CD46: variants seen among roughly 807,000 people sequenced by gnomAD.
CD46 encodes the protein membrane cofactor protein.
CD46 carries 30 observed loss-of-function variants against 53.3 expected under a neutral mutation model. The observed-to-expected ratio is 0.56, with a 90% CI of 0.42 to 0.76. CD46 has a LOEUF of 0.76. Ranked by LOEUF, CD46 falls within the 30% of genes least tolerant of loss-of-function variation. The probability of loss-of-function intolerance (pLI) is 0.00; values close to 1 mark genes in which losing one functional copy is unlikely to be tolerated. For missense variants in CD46, 409 were observed against 463.0 expected (o/e 0.88, Z 1.07); for synonymous variants, 142 against 152.0 (o/e 0.93, Z 0.48).
At chr1:207,788,128 G>GT (rs1167079817) in intron 11 of CD46, among the ~76,000 whole-genome samples, 11 of 152,056 alleles carry the variant, frequency 7.2e-5, no homozygotes, top group African/African-American at 2.7e-4. Context: ...GATAATTGAA[G>GT]TTTTTAAGAT....
chr1:207,790,177 C>A, intron 11 of CD46, 76 bp from the exon 12 acceptor site: 1 of 799,240 alleles, frequency 1.3e-6, no homozygotes, highest in South Asian at 1.3e-5. Context: ...GGATTTTATC[C>A]CACTTGTTAT....
chr1:207,761,226 T>A, intron 4 of CD46, 23 bp from the exon 5 acceptor site: 2 of 1,471,814 alleles, frequency 1.4e-6, no homozygotes, highest in Non-Finnish European at 1.9e-6. Flanking sequence ...ACATTTCCTT[T>A]CCTCTTTTTC....
At chr1:207,753,836 C>T (rs1655198562) in intron 1 of CD46, among the ~76,000 whole-genome samples, 1 of 152,192 alleles carries the variant, frequency 6.6e-6, no homozygotes, top group Non-Finnish European at 1.5e-5. Context: ...GATCCAATAA[C>T]ATGTATAGTT....
intron 11 of CD46, among the ~76,000 whole-genome samples, chr1:207,788,756 A>G (rs1659520722): frequency 6.6e-6 from 1 of 152,212 alleles, no homozygotes; most frequent in African/African-American, 2.4e-5. Context: ...GTAAACTGGT[A>G]TTTATGGTGA....
intron 5 of CD46, among the ~76,000 whole-genome samples, chr1:207,762,312 A>G (rs958818610): frequency 1.3e-5 from 2 of 152,236 alleles, no homozygotes; most frequent in African/African-American, 4.8e-5. Context: ...TGTGTTAGAA[A>G]AAAAGAAAAG....
At chr1:207,753,643 C>A (rs1202557763) in intron 1 of CD46, among the ~76,000 whole-genome samples, 1 of 152,070 alleles carries the variant, frequency 6.6e-6, no homozygotes, top group African/African-American at 2.4e-5. Flanking sequence ...TGCACTCCAG[C>A]CTAGATGACA....
At chr1:207,788,434 G>A (rs1316628577) in intron 11 of CD46, among the ~76,000 whole-genome samples, 1 of 151,978 alleles carries the variant, frequency 6.6e-6, no homozygotes, top group East Asian at 1.9e-4. Flanking sequence ...CAGGAGAATG[G>A]CGTGAACCCC....
intron 8 of CD46, among the ~76,000 whole-genome samples, chr1:207,779,186 C>G (rs150680976): frequency 8.8e-4 from 134 of 152,104 alleles, no homozygotes; most frequent in African/African-American, 3.2e-3. Flanking sequence ...GCTTTTAGGC[C>G]AAGACTGTGG....
intron 5 of CD46, among the ~76,000 whole-genome samples, chr1:207,764,092 G>A (rs1048412920): frequency 3.9e-5 from 6 of 151,968 alleles, no homozygotes; most frequent in African/African-American, 1.5e-4. Context: ...GAAATCACAG[G>A]CACCAGTTGA....
In CD46 at chr1:207,783,296, TC is replaced by T; in HGVS notation, c.950del (p.Pro317LeufsTer18). 1 of 1,495,636 alleles carries T rather than the reference TC, an allele frequency of 6.7e-7. No homozygotes were observed. The highest frequency in any genetic ancestry group is 9.3e-7 in the Non-Finnish European group (1 of 1,073,424). 92.6% of individuals were successfully genotyped at this position (1,495,636 alleles called of 1,614,324 possible). ...KPPVSNYPGY[P>X]KPEEGILDSL... ...ATATTTCTTCTTTTTTCCTAGGATA[TC>T]CTAAACCTGAGGAAGGAATACTTGA... On this transcript the variant is annotated frameshift_variant, in exon 9 of 13. Coordinates refer to ENST00000367042, the MANE Select transcript of CD46 (RefSeq NM_172351.3). LOFTEE classifies it high-confidence loss of function.
Position 207,752,345 on chromosome 1 carries a change from A to C in CD46, c.97+36A>C, listed in dbSNP as rs759490823. 6.3e-7 allele frequency: 1 copy of C among 1,581,258 alleles called. No individual in the cohort carries two copies. Among genetic ancestry groups the C allele is most frequent in the South Asian group, 1.1e-5 (1 of 90,424 alleles). On this transcript the variant is annotated intron_variant, in intron 1 of 12. Transcript: ENST00000367042. The surrounding 1 kb of genome is among the most constrained non-coding windows in gnomAD (Gnocchi z 4.1). The stretch of plus-strand genomic sequence containing the variant: ...GGGGCGGGTTCGCGCGTCCGCGGCG[A>C]GACTAGAGCTCTCCTCAGTCGGGCA...
intron 9 of CD46, 149 bp from the exon 10 acceptor site, chr1:207,784,922 A>G: frequency 1.4e-6 from 1 of 706,106 alleles, no homozygotes. Flanking sequence ...TCCCTCCCAC[A>G]ACACGTGGGG....
chr1:207,752,292 T>C lies in CD46; in HGVS notation c.80T>C (p.Leu27Pro), dbSNP rs757429411. 1 of 1,614,132 alleles carries C rather than the reference T, an allele frequency of 6.2e-7. No homozygotes were observed. The highest frequency in any genetic ancestry group is 2.2e-5 in the East Asian group (1 of 44,870). Residue 27 changes from leucine (L) to proline (P), a missense_variant, in exon 1 of 13, where the codon CTG (leucine) becomes CCG (proline). By Grantham distance (98) the Leu-to-Pro change is moderately conservative. Coordinates refer to ENST00000367042, the MANE Select transcript of CD46 (RefSeq NM_172351.3). The surrounding 1 kb of genome is among the most constrained non-coding windows in gnomAD (Gnocchi z 4.1). ...PGLLLAAMVLLLYSFSDACEE... is the reference protein window; with the variant it reads ...PGLLLAAMVLPLYSFSDACEE... ...TTGCTTCTGGCGGCCATGGTGTTGCTGCTGTACTCCTTCTCCGGTAGGACC... is the reference window on the plus strand; with the variant it reads ...TTGCTTCTGGCGGCCATGGTGTTGCCGCTGTACTCCTTCTCCGGTAGGACC...
intron 9 of CD46, chr1:207,783,575 A>G (rs1658991660): frequency 3.0e-6 from 1 of 331,546 alleles, no homozygotes; most frequent in African/African-American, 2.1e-5. Flanking sequence ...ATGAACCTTA[A>G]AGCAATCTAA....
chr1:207,760,984 G>C, intron 4 of CD46: 1 of 430,186 alleles, frequency 2.3e-6, no homozygotes, highest in East Asian at 4.8e-5. Flanking sequence ...TTTGACATGC[G>C]ATTTGGTGGG....
intron 1 of CD46, among the ~76,000 whole-genome samples, chr1:207,755,170 A>G (rs185982044): frequency 6.6e-6 from 1 of 152,158 alleles, no homozygotes; most frequent in East Asian, 1.9e-4. Flanking sequence ...AAAAGAAACA[A>G]AATAGGAAGC....
At chr1:207,777,585 G>A (rs41317835) in intron 8 of CD46, among the ~76,000 whole-genome samples, 6,697 of 152,032 alleles carry the variant, frequency 0.044, 215 homozygotes, top group Non-Finnish European at 0.07. Flanking sequence ...GAGAACATGC[G>A]GTATTTGGGA....
rs1230181675 is a variant in CD46, at chr1:207,752,792, C to T, written c.97+483C>T. On this transcript the variant is annotated intron_variant, in intron 1 of 12. Coordinates refer to ENST00000367042, the MANE Select transcript of CD46 (RefSeq NM_172351.3). This position sits in a 1 kb window ranked among gnomAD's most constrained non-coding sequence, Gnocchi z 4.1. The stretch of plus-strand genomic sequence containing the variant: ...AGGGTTGCAGTGCGTCTGCTGTGCC[C>T]CATGTGCTGGGCTGGGCGAGCAGGG... Among the ~76,000 whole-genome samples, 3 of 152,138 alleles carry T rather than the reference C, an allele frequency of 2.0e-5. No individual in the cohort carries two copies. Among genetic ancestry groups the T allele is most frequent in the Non-Finnish European group, 4.4e-5 (3 of 68,026 alleles).
intron 8 of CD46, among the ~76,000 whole-genome samples, chr1:207,778,529 T>G (rs1426837666): frequency 5.3e-5 from 8 of 152,208 alleles, no homozygotes; most frequent in African/African-American, 1.9e-4. Flanking sequence ...CCAGCACCAT[T>G]TATTTAATAG....
Sources: allele counts gnomAD v4.1 joint callset (sites outside exome capture counted in the v4.1 genomes callset), GRCh38; gene constraint gnomAD v4.1.1; non-coding constraint Gnocchi (gnomAD v3.1); transcripts MANE v1.5; gene names NCBI Gene and HGNC (gene_info 2026-07-23, HGNC 2026-07-21).